SDK1: variants seen among roughly 807,000 people sequenced by gnomAD.
SDK1 encodes protein sidekick-1.
A neutral mutation model predicts 245.5 loss-of-function variants in SDK1; 157 were observed. The ratio of observed to expected loss-of-function variants is 0.64; its 90% CI spans 0.56 to 0.73. SDK1 has a LOEUF of 0.73. Ranked by LOEUF, SDK1 falls within the 30% of genes least tolerant of loss-of-function variation. SDK1 has a pLI of 0.00. For synonymous variants in SDK1, 1,647 were observed against 1,278.5 expected (o/e 1.29, Z -6.15); for missense variants, 3,583 against 3,002.3 (o/e 1.19, Z -4.52).
At chr7:3,599,027 A>T (rs79715539) in intron 1 of SDK1, among the ~76,000 whole-genome samples, 1,593 of 150,372 alleles carry the variant, frequency 0.011, 33 homozygotes, top group African/African-American at 0.037. Context: ...AGAAACCACC[A>T]GTCTGGTTTC....
At chr7:3,467,126 C>T (rs972881460) in intron 1 of SDK1, among the ~76,000 whole-genome samples, 2 of 151,698 alleles carry the variant, frequency 1.3e-5, no homozygotes, top group African/African-American at 2.4e-5. Context: ...TTATTTTATA[C>T]TTCTTTATAC....
chr7:3,592,205 G>C lies in SDK1; in HGVS notation c.299-26875G>C, dbSNP rs189187722. 7.2e-5 allele frequency among the ~76,000 whole-genome samples: 11 copies of C among 152,230 alleles called. No individual in the cohort carries two copies. The South Asian group carries it at 2.3e-3, about 32-fold the overall frequency. On this transcript the variant is annotated intron_variant, in intron 1 of 44. Coordinates refer to ENST00000404826, the MANE Select transcript of SDK1 (RefSeq NM_152744.4). ...TTTAGAGCTCCTCAAGTCATTATAA[G>C]AATCACCCAACAGTGTGAAATCAAA...
intron 22 of SDK1, among the ~76,000 whole-genome samples, chr7:4,094,759 G>A (rs1266349256): frequency 1.3e-5 from 2 of 152,182 alleles, no homozygotes; most frequent in East Asian, 1.9e-4. Context: ...AGGGCACCAG[G>A]CCAGGAGAAT....
chr7:3,997,398 G>C (rs973388354), intron 14 of SDK1, among the ~76,000 whole-genome samples: 1 of 152,080 alleles, frequency 6.6e-6, no homozygotes. Flanking sequence ...AGGAGGCCTG[G>C]AGTGGAATTT....
At chr7:4,246,170 T>G (rs1786845294) in intron 44 of SDK1, among the ~76,000 whole-genome samples, 1 of 152,132 alleles carries the variant, frequency 6.6e-6, no homozygotes, top group Non-Finnish European at 1.5e-5. Flanking sequence ...GACTCCTAAG[T>G]CCCAGAGACT....
intron 4 of SDK1, among the ~76,000 whole-genome samples, chr7:3,735,270 C>G (rs1322928291): frequency 6.6e-6 from 1 of 152,086 alleles, no homozygotes; most frequent in Non-Finnish European, 1.5e-5. Flanking sequence ...ATCTTTAGAA[C>G]TTTTTTACCT....
rs367844831 is a variant in SDK1 at position 4,265,153 on chromosome 7, G to T, written c.6411G>T (p.Leu2137=). 1 of 1,612,346 alleles carries T rather than the reference G, an allele frequency of 6.2e-7. No individual in the cohort carries two copies. Among genetic ancestry groups the T allele is most frequent in the Admixed American group, 1.7e-5 (1 of 59,974 alleles). Residue 2137 remains leucine (L), a synonymous_variant, in exon 45 of 45, where the codon CTG becomes CTT. Transcript: ENST00000404826. ...CGGACTCTGACTACGAGGACGCGCT[G>T]CCCAAGCACTCCTTCGTGAACCACT... is the stretch of plus-strand genomic sequence containing the variant. ...EATDSDYEDA[L]PKHSFVNHYM...
intron 4 of SDK1, among the ~76,000 whole-genome samples, chr7:3,772,585 A>G (rs1444475364): frequency 6.6e-6 from 1 of 152,230 alleles, no homozygotes; most frequent in East Asian, 1.9e-4. Context: ...ATCTTAAATC[A>G]TATAGAAAAA....
chr7:3,595,843 A>C (rs1290291193), intron 1 of SDK1, among the ~76,000 whole-genome samples: 1 of 149,796 alleles, frequency 6.7e-6, no homozygotes, highest in African/African-American at 2.4e-5. Flanking sequence ...AAAAAAAAAA[A>C]AAAAAAAAAA....
chr7:3,324,098 T>C (rs1274004982), intron 1 of SDK1, among the ~76,000 whole-genome samples: 2 of 152,204 alleles, frequency 1.3e-5, no homozygotes, highest in South Asian at 2.1e-4. Flanking sequence ...CTGGTATCTA[T>C]TCTAGGGAGA....
chr7:3,814,087 C>G (rs1437670530), intron 4 of SDK1, among the ~76,000 whole-genome samples: 4 of 135,784 alleles, frequency 2.9e-5, no homozygotes, highest in African/African-American at 8.7e-5. Flanking sequence ...ATGGTAGTTT[C>G]TTTTGCTGTG....
intron 5 of SDK1, among the ~76,000 whole-genome samples, chr7:3,822,700 G>A (rs1357128250): frequency 9.2e-5 from 14 of 151,920 alleles, no homozygotes; most frequent in African/African-American, 3.4e-4. Context: ...ACTAGGAGGT[G>A]GAGGTTGCAG....
rs550017936 is a variant in SDK1 at position 3,973,720 on chromosome 7, C to T, written c.1818-649C>T. 9.9e-5 allele frequency among the ~76,000 whole-genome samples: 15 copies of T among 152,068 alleles called. No individual in the cohort carries two copies. The East Asian group carries it at 1.9e-3, about 20-fold the overall frequency. On this transcript the variant is annotated intron_variant, in intron 12 of 44. Transcript: ENST00000404826. ...AGTTTTCATAGGTGACAGGTATGCC[C>T]GTGGTTCTACAGACTTCTCATCTCT...
intron 1 of SDK1, among the ~76,000 whole-genome samples, chr7:3,479,876 A>ATT (rs1554277608): frequency 2.7e-5 from 4 of 147,714 alleles, no homozygotes; most frequent in South Asian, 2.2e-4. Context: ...AAAAAAAAAA[A>ATT]TTTTTTTTTT....
chr7:3,612,000 G>A (rs1781609865), intron 1 of SDK1, among the ~76,000 whole-genome samples: 1 of 152,124 alleles, frequency 6.6e-6, no homozygotes, highest in South Asian at 2.1e-4. Context: ...CTGGGGAATG[G>A]AAAACCAAAC....
chr7:3,860,290 T>G (rs1780659673), intron 5 of SDK1, among the ~76,000 whole-genome samples: 2 of 152,002 alleles, frequency 1.3e-5, no homozygotes, highest in Non-Finnish European at 2.9e-5. Context: ...TGCAACATAG[T>G]CAATCTACAA....
intron 1 of SDK1, among the ~76,000 whole-genome samples, chr7:3,562,384 G>A (rs549973101): frequency 1.1e-4 from 17 of 152,194 alleles, no homozygotes; most frequent in South Asian, 2.1e-4. Context: ...CCTAGGTTTC[G>A]GTCTCAGCCA....
chr7:3,961,564 C>T (rs1381656896), intron 8 of SDK1, among the ~76,000 whole-genome samples: 1 of 151,536 alleles, frequency 6.6e-6, no homozygotes, highest in Non-Finnish European at 1.5e-5. Context: ...GTAGATATGC[C>T]TCATGGAGCG....
At chr7:3,335,148 C>T (rs1780166211) in intron 1 of SDK1, among the ~76,000 whole-genome samples, 2 of 152,204 alleles carry the variant, frequency 1.3e-5, no homozygotes, top group African/African-American at 4.8e-5. Flanking sequence ...CTTTTAACTT[C>T]TGTATCCAGT....
Sources: allele counts gnomAD v4.1 joint callset (sites outside exome capture counted in the v4.1 genomes callset), GRCh38; gene constraint gnomAD v4.1.1; transcripts MANE v1.5; gene names NCBI Gene and HGNC (gene_info 2026-07-23, HGNC 2026-07-21).